Variants in EYA2 observed in about 807,000 individuals in gnomAD.
EYA2 encodes protein phosphatase EYA2.
Under a neutral mutation model 69.2 loss-of-function variants are expected in EYA2, and 31 were observed. The ratio of observed to expected loss-of-function variants is 0.45; its 90% CI spans 0.34 to 0.60. EYA2 has a LOEUF of 0.60. EYA2 is among the 20% of genes least tolerant of loss of function. The pLI, the probability that EYA2 is intolerant of heterozygous loss-of-function variation, is 0.02. For synonymous variants in EYA2, 257 were observed against 279.4 expected, an observed-to-expected ratio of 0.92 and a Z score of 0.80; for missense variants, 622 against 701.2, an observed-to-expected ratio of 0.89 and a Z score of 1.28.
chr20:46,997,096 G>A (rs1189212482), intron 2 of EYA2, among the ~76,000 whole-genome samples: 1 of 152,140 alleles, frequency 6.6e-6, no homozygotes, highest in African/African-American at 2.4e-5. Flanking sequence ...AGGTTGTTCT[G>A]GGTGTGAACG....
chr20:46,965,262 A>G (rs1878328888), intron 1 of EYA2, among the ~76,000 whole-genome samples: 1 of 152,246 alleles, frequency 6.6e-6, no homozygotes, highest in South Asian at 2.1e-4. Context: ...GTTCAAACCC[A>G]CAGCCAGCTT....
chr20:46,981,110 CTT>C (rs977975046), intron 1 of EYA2, among the ~76,000 whole-genome samples: 7 of 152,166 alleles, frequency 4.6e-5, no homozygotes, highest in African/African-American at 1.7e-4. Context: ...GGTGTCTAGA[CTT>C]TGCTCAGACT....
intron 1 of EYA2, among the ~76,000 whole-genome samples, chr20:46,938,508 G>C (rs888571943): frequency 3.3e-5 from 5 of 152,204 alleles, no homozygotes; most frequent in African/African-American, 2.4e-5. Context: ...GTGAGCTGGG[G>C]CTGCCTTCAC....
intron 2 of EYA2, chr20:46,998,402 C>G (rs1374670005): frequency 6.6e-6 from 1 of 152,350 alleles, no homozygotes; most frequent in Non-Finnish European, 1.5e-5. Context: ...GTTGGTCAAG[C>G]CTACTTCCTG....
chr20:46,962,776 T>C lies in EYA2; in HGVS notation c.-10-27225T>C, dbSNP rs190633807. Among the ~76,000 whole-genome samples the C allele has an allele frequency of 6.0e-3, 916 of 152,244 alleles. 8 individuals are homozygous for C. The highest frequency in any genetic ancestry group is 7.6e-3 in the Non-Finnish European group (520 of 68,026). On this transcript the variant is annotated intron_variant, in intron 1 of 15. Coordinates refer to ENST00000327619, the MANE Select transcript of EYA2 (RefSeq NM_005244.5). ...CCCTTTACATGCCTGAAGCAGACAC[T>C]CTCAGGGCCTTGCCCACATCCCCAC...
At chr20:47,095,013 C>CAA (rs111392885) in intron 8 of EYA2, among the ~76,000 whole-genome samples, 16 of 151,044 alleles carry the variant, frequency 1.1e-4, no homozygotes, top group East Asian at 9.8e-4. Flanking sequence ...GGCCCTGTCT[C>CAA]AAAAAAAATT....
intron 5 of EYA2, among the ~76,000 whole-genome samples, chr20:47,033,090 C>T (rs1984510092): frequency 6.6e-6 from 1 of 152,176 alleles, no homozygotes; most frequent in Admixed American, 6.5e-5. Flanking sequence ...TTGTGCAACC[C>T]CCAAGACCAT....
intron 5 of EYA2, among the ~76,000 whole-genome samples, chr20:47,054,904 G>A (rs941145873): frequency 3.9e-5 from 6 of 152,216 alleles, no homozygotes; most frequent in South Asian, 2.1e-4. Flanking sequence ...CAGCTATTAC[G>A]GGCTCCAGAA....
chr20:46,937,649 ATTTTTTT>A (rs5841661), intron 1 of EYA2, among the ~76,000 whole-genome samples: 1 of 128,438 alleles, frequency 7.8e-6, no homozygotes, highest in African/African-American at 2.9e-5. Context: ...TCATGCCTTG[ATTTTTTT>A]TTTTTTTTTT....
chr20:46,951,637 T>G (rs3092732), intron 1 of EYA2, among the ~76,000 whole-genome samples: 2 of 151,974 alleles, frequency 1.3e-5, no homozygotes, highest in Non-Finnish European at 2.9e-5. Flanking sequence ...ATAAAACCAC[T>G]CTCAGGCGTC....
intron 2 of EYA2, among the ~76,000 whole-genome samples, chr20:46,993,566 A>G (rs1981824443): frequency 1.3e-5 from 2 of 152,218 alleles, no homozygotes; most frequent in Admixed American, 1.3e-4. Flanking sequence ...TATTGAACAA[A>G]TGTTTAATCA....
At chr20:47,159,140 A>G (rs991723015) in intron 10 of EYA2, among the ~76,000 whole-genome samples, 1 of 152,012 alleles carries the variant, frequency 6.6e-6, no homozygotes, top group Non-Finnish European at 1.5e-5. Context: ...ACTTCTTTCC[A>G]AAGAGTACAA....
At chr20:46,950,034 G>A (rs1978702956) in intron 1 of EYA2, among the ~76,000 whole-genome samples, 2 of 152,222 alleles carry the variant, frequency 1.3e-5, no homozygotes, top group African/African-American at 4.8e-5. Context: ...TCCATAGCCT[G>A]TGTTTTTCTC....
At chr20:46,978,139 C>T (rs732250) in intron 1 of EYA2, 4,648 of 158,128 alleles carry the variant, frequency 0.029, 210 homozygotes, top group African/African-American at 0.1. Flanking sequence ...CTCCCGTTGG[C>T]CCCAGGTGGC....
rs541219051 is a variant in EYA2 at position 47,061,937 on chromosome 20, C to G, written c.416-10248C>G. 2.9e-3 allele frequency among the ~76,000 whole-genome samples: 440 copies of G among 152,328 alleles called. 3 individuals are homozygous for G. The highest frequency in any genetic ancestry group is 4.7e-3 in the Non-Finnish European group (323 of 68,018). On this transcript the variant is annotated intron_variant, in intron 5 of 15. Transcript: ENST00000327619. ...AGGTCCTCCCAGACTCTCAGGAGGA[C>G]TTGGAACCTCAAGAGCCAGGATAAC...
intron 1 of EYA2, among the ~76,000 whole-genome samples, chr20:46,955,604 C>T (rs1045759679): frequency 2.0e-5 from 3 of 152,076 alleles, no homozygotes; most frequent in South Asian, 2.1e-4. Flanking sequence ...GGGTATATAC[C>T]CTTGCAGACA....
At chr20:47,011,896 G>A (rs1313194174) in intron 4 of EYA2, among the ~76,000 whole-genome samples, 1 of 152,204 alleles carries the variant, frequency 6.6e-6, no homozygotes, top group African/African-American at 2.4e-5. Context: ...TAAGATAGCA[G>A]GGAAAAGTGT....
At chr20:47,093,030 G>C (rs1424992530) in intron 8 of EYA2, among the ~76,000 whole-genome samples, 1 of 152,232 alleles carries the variant, frequency 6.6e-6, no homozygotes, top group Non-Finnish European at 1.5e-5. Context: ...AAGTAGAGTA[G>C]AGTATCAGCG....
intron 3 of EYA2, 95 bp downstream of exon 3, chr20:47,001,568 C>CTATCCAGGGAAT: frequency 3.1e-6 from 4 of 1,301,046 alleles, no homozygotes; most frequent in Non-Finnish European, 4.5e-6. Flanking sequence ...AGCCAGATTC[C>CTATCCAGGGAAT]CTGGATAGGA....
Sources: allele counts gnomAD v4.1 joint callset (sites outside exome capture counted in the v4.1 genomes callset), GRCh38; gene constraint gnomAD v4.1.1; transcripts MANE v1.5; gene names NCBI Gene and HGNC (gene_info 2026-07-23, HGNC 2026-07-21).